CDH13: variants seen among roughly 807,000 people sequenced by gnomAD.
CDH13 encodes the protein cadherin-13.
Under a neutral mutation model 63.8 loss-of-function variants are expected in CDH13, and 24 were observed. The observed-to-expected ratio is 0.38, with a 90% CI of 0.27 to 0.53. The LOEUF (loss-of-function observed/expected upper bound fraction) is 0.53. Ranked by LOEUF, CDH13 falls within the 20% of genes least tolerant of loss-of-function variation. The pLI is 0.85. For missense variants in CDH13, 1,049 were observed against 903.1 expected (o/e 1.16, Z -2.07); for synonymous variants, 503 against 355.3 (o/e 1.42, Z -4.67).
chr16:82,627,337 CGTGTGTGTGTGTGTGTGTGT>C (rs71146081), intron 1 of CDH13, among the ~76,000 whole-genome samples, 200 bp downstream of exon 1: 3 of 131,184 alleles, frequency 2.3e-5, no homozygotes, highest in East Asian at 2.3e-4. Flanking sequence ...CTCTGGCGTG[CGTGTGTGTGTGTGTGTGTGT>C]GTGTGTGTGT....
chr16:82,656,560 G>T (rs1911319075), intron 1 of CDH13, among the ~76,000 whole-genome samples: 1 of 152,138 alleles, frequency 6.6e-6, no homozygotes, highest in African/African-American at 2.4e-5. Context: ...TACAGTCAAT[G>T]ACTCTACATT....
intron 5 of CDH13, among the ~76,000 whole-genome samples, chr16:83,284,720 AC>A (rs1468673470): frequency 2.6e-5 from 4 of 152,118 alleles, no homozygotes; most frequent in African/African-American, 9.7e-5. Context: ...GAATATAATT[AC>A]TTTGATTACA....
chr16:83,060,316 T>C (rs932404063), intron 3 of CDH13, among the ~76,000 whole-genome samples: 9 of 152,172 alleles, frequency 5.9e-5, no homozygotes, highest in African/African-American at 1.9e-4. Context: ...AAATTGTGGA[T>C]GTTGATAAAT....
At chr16:83,720,995 A>C (rs1200901526) in intron 10 of CDH13, 1 of 152,232 alleles carries the variant, frequency 6.6e-6, no homozygotes, top group African/African-American at 2.4e-5. Flanking sequence ...GGTTTCATGT[A>C]TGCACCTGTA....
chr16:83,730,675 G>C (rs567850644), intron 10 of CDH13, among the ~76,000 whole-genome samples: 1 of 151,954 alleles, frequency 6.6e-6, no homozygotes, highest in Non-Finnish European at 1.5e-5. Context: ...TGGTTTTTTT[G>C]AGCTTTTAGA....
intron 6 of CDH13, among the ~76,000 whole-genome samples, chr16:83,414,634 A>G (rs925365066): frequency 7.9e-5 from 12 of 152,120 alleles, no homozygotes; most frequent in African/African-American, 2.9e-4. Context: ...TTATATGACT[A>G]TTTTGAGTAC....
chr16:83,439,637 A>C (rs1466692884), intron 6 of CDH13, among the ~76,000 whole-genome samples: 3 of 152,210 alleles, frequency 2.0e-5, no homozygotes, highest in African/African-American at 7.2e-5. Context: ...TGGCTTCGGC[A>C]ATGTTCAGGT....
At position 83,534,187 on chromosome 16, in the gene CDH13, C is replaced by T. The variant is rs184411635; in HGVS notation, c.960+47532C>T. On this transcript the variant is annotated intron_variant, in intron 7 of 13. Coordinates refer to ENST00000567109, the MANE Select transcript of CDH13 (RefSeq NM_001257.5). ...TTCTGTCTTTAAGGATTTACCTATT[C>T]TGGATGCTCCATACAAATGAAATAT... 3.3e-3 allele frequency among the ~76,000 whole-genome samples: 496 copies of T among 152,264 alleles called. 3 individuals carry two copies. The highest frequency in any genetic ancestry group is 0.012 in the African/African-American group (478 of 41,562).
chr16:83,397,310 A>G (rs754435147), intron 6 of CDH13: 3 of 152,010 alleles, frequency 2.0e-5, no homozygotes, highest in Admixed American at 1.3e-4. Context: ...AAGAAGTTCA[A>G]CCCTTCCAGC....
At position 83,351,328 on chromosome 16, in the gene CDH13, T is replaced by C. The variant is rs367595863; in HGVS notation, c.781+6322T>C. Among the ~76,000 whole-genome samples, 16 of 146,742 alleles carry C rather than the reference T, an allele frequency of 1.1e-4. No homozygotes were observed. In the South Asian group the frequency reaches 2.4e-3, roughly 22 times the overall value. On this transcript the variant is annotated intron_variant, in intron 6 of 13. Coordinates refer to ENST00000567109, the MANE Select transcript of CDH13 (RefSeq NM_001257.5). ...GTAGATATATTTTTTAAAAAATAAA[T>C]AAAGCAATTCTGTTCTTTTCAAGTG...
chr16:82,845,544 A>G (rs1029028943), intron 1 of CDH13, among the ~76,000 whole-genome samples: 4 of 152,168 alleles, frequency 2.6e-5, no homozygotes, highest in African/African-American at 4.8e-5. Flanking sequence ...TGACAGACCT[A>G]TTCATTTACT....
intron 6 of CDH13, among the ~76,000 whole-genome samples, chr16:83,446,398 C>T (rs572148896): frequency 7.9e-5 from 12 of 152,046 alleles, no homozygotes; most frequent in East Asian, 1.9e-4. Flanking sequence ...GTCAGCTGAG[C>T]CTTTTTAAAA....
intron 5 of CDH13, among the ~76,000 whole-genome samples, chr16:83,238,223 T>TC (rs1555517601): frequency 2.7e-5 from 4 of 149,574 alleles, no homozygotes; most frequent in Non-Finnish European, 5.9e-5. Context: ...GTAATTCATT[T>TC]AAAAAAAAAA....
At chr16:83,142,324 C>G (rs962411411) in intron 4 of CDH13, among the ~76,000 whole-genome samples, 7 of 152,038 alleles carry the variant, frequency 4.6e-5, no homozygotes, top group African/African-American at 1.7e-4. Flanking sequence ...CCACACCTGG[C>G]TAAGTTTTTT....
intron 1 of CDH13, among the ~76,000 whole-genome samples, chr16:82,749,212 A>G (rs1452833828): frequency 6.6e-6 from 1 of 152,184 alleles, no homozygotes; most frequent in East Asian, 1.9e-4. Context: ...AGAGAGTGAC[A>G]GACCTTACGG....
intron 4 of CDH13, among the ~76,000 whole-genome samples, chr16:83,135,672 G>C (rs187315183): frequency 6.6e-6 from 1 of 152,278 alleles, no homozygotes; most frequent in Admixed American, 6.5e-5. Flanking sequence ...TCCCACTACT[G>C]GGTATCTACC....
chr16:83,346,078 G>T (rs148005798), intron 6 of CDH13, among the ~76,000 whole-genome samples: 1 of 152,068 alleles, frequency 6.6e-6, no homozygotes. Flanking sequence ...TTTATGCACT[G>T]CATCAGATCC....
intron 5 of CDH13, among the ~76,000 whole-genome samples, chr16:83,303,711 G>A (rs528025547): frequency 1.1e-4 from 17 of 152,132 alleles, no homozygotes; most frequent in Non-Finnish European, 2.4e-4. Flanking sequence ...TGAAGGAATA[G>A]GGGGAAGGTC....
chr16:82,957,460 G>A (rs189843605), intron 2 of CDH13, among the ~76,000 whole-genome samples: 3 of 152,170 alleles, frequency 2.0e-5, no homozygotes, highest in Non-Finnish European at 1.5e-5. Context: ...GTTCAAGATA[G>A]ATAAAGGCCA....
Sources: allele counts gnomAD v4.1 joint callset (sites outside exome capture counted in the v4.1 genomes callset), GRCh38; gene constraint gnomAD v4.1.1; transcripts MANE v1.5; gene names NCBI Gene and HGNC (gene_info 2026-07-23, HGNC 2026-07-21).